The following KCNN2 variants were observed in gnomAD, a reference collection of about 807,000 sequenced individuals.
The protein encoded by KCNN2 is potassium calcium-activated channel subfamily N member 2.
KCNN2 carries 24 observed loss-of-function variants against 55.5 expected under a neutral mutation model. That is an observed-to-expected ratio of 0.43 (90% CI 0.31 to 0.61). The LOEUF (loss-of-function observed/expected upper bound fraction) is 0.61, where lower values mean the gene tolerates loss of function less well. Among genes scored for constraint, KCNN2 ranks in the 20% least tolerant of loss-of-function variants. The pLI is 0.08. For synonymous variants in KCNN2, 431 were observed against 336.1 expected (o/e 1.28, Z -3.09); for missense variants, 754 against 853.6 (o/e 0.88, Z 1.45).
At position 114,445,423 on chromosome 5, in the gene KCNN2, T is replaced by TA. The variant is rs200630650; in HGVS notation, c.1638-17625dup. On this transcript the variant is annotated intron_variant, in intron 3 of 7. Coordinates refer to ENST00000673685, the MANE Select transcript of KCNN2 (RefSeq NM_021614.4). ...TCCATGAGACACTTTATAAAAATATTACTTATCAGTAAAATACACAAGTTA... is the reference window on the plus strand; with the variant it reads ...TCCATGAGACACTTTATAAAAATATTAACTTATCAGTAAAATACACAAGTTA... 5.8e-4 allele frequency among the ~76,000 whole-genome samples: 89 copies of TA among 152,344 alleles called. No individual in the cohort carries two copies. In the East Asian group the frequency reaches 0.016, roughly 28 times the overall value.
chr5:114,453,349 C>T (rs1331153964), intron 3 of KCNN2, among the ~76,000 whole-genome samples: 7 of 152,164 alleles, frequency 4.6e-5, no homozygotes, highest in Admixed American at 4.6e-4. Flanking sequence ...CACACATACA[C>T]ACTACTTAAA....
intron 3 of KCNN2, among the ~76,000 whole-genome samples, chr5:114,462,458 C>T (rs1761253801): frequency 6.6e-6 from 1 of 152,088 alleles, no homozygotes; most frequent in South Asian, 2.1e-4. Flanking sequence ...TGAAGGACAT[C>T]CAGGTAGATT....
chr5:114,481,673 C>T (rs139936144), intron 5 of KCNN2, among the ~76,000 whole-genome samples: 1,749 of 152,184 alleles, frequency 0.011, 20 homozygotes, highest in Middle Eastern at 0.031. Context: ...ACTAAAACAC[C>T]GTGGTAAACT....
intron 2 of KCNN2, among the ~76,000 whole-genome samples, chr5:114,329,302 C>T (rs1756764876): frequency 6.6e-6 from 1 of 152,122 alleles, no homozygotes; most frequent in African/African-American, 2.4e-5. Context: ...GAGGGTGTTG[C>T]CAAAGAAGAT....
chr5:114,068,233 A>G (rs1438627763), intron 1 of KCNN2, among the ~76,000 whole-genome samples: 1 of 152,252 alleles, frequency 6.6e-6, no homozygotes, highest in Non-Finnish European at 1.5e-5. Context: ...AGAGGTCAAT[A>G]GTCCTTGGAA....
At chr5:114,159,046 A>C in intron 1 of KCNN2, among the ~76,000 whole-genome samples, 1 of 152,092 alleles carries the variant, frequency 6.6e-6, no homozygotes, top group East Asian at 1.9e-4. Context: ...CTATGTTGGA[A>C]AGGAGTGGTG....
intron 2 of KCNN2, among the ~76,000 whole-genome samples, chr5:114,257,950 T>C (rs1000934083): frequency 4.6e-5 from 7 of 152,200 alleles, no homozygotes; most frequent in Non-Finnish European, 7.4e-5. Flanking sequence ...CCAGCTTTTC[T>C]CCATTCAGTA....
intron 1 of KCNN2, among the ~76,000 whole-genome samples, chr5:114,178,189 G>C (rs1341222615): frequency 1.3e-5 from 2 of 152,088 alleles, no homozygotes; most frequent in East Asian, 3.9e-4. Context: ...GAAATGTATA[G>C]ACTTCCCACT....
chr5:114,445,909 C>T (rs1407061328), intron 3 of KCNN2, among the ~76,000 whole-genome samples: 2 of 152,196 alleles, frequency 1.3e-5, no homozygotes, highest in African/African-American at 2.4e-5. Context: ...TGGGCACCAG[C>T]TGTTTCCCAC....
At chr5:114,078,277 A>G (rs1174473267) in intron 1 of KCNN2, among the ~76,000 whole-genome samples, 2 of 152,240 alleles carry the variant, frequency 1.3e-5, no homozygotes, top group Non-Finnish European at 2.9e-5. Context: ...CAGAACACAT[A>G]TGACCAACAA....
intron 2 of KCNN2, among the ~76,000 whole-genome samples, chr5:114,325,659 T>TA (rs1296961182): frequency 6.6e-6 from 1 of 152,208 alleles, no homozygotes; most frequent in Non-Finnish European, 1.5e-5. Context: ...GCTTCTTATC[T>TA]AATGGAGTAA....
intron 2 of KCNN2, among the ~76,000 whole-genome samples, chr5:114,329,324 T>C: frequency 6.6e-6 from 1 of 152,134 alleles, no homozygotes; most frequent in East Asian, 1.9e-4. Flanking sequence ...AACATTTGAG[T>C]CAGTGGACTG....
At chr5:114,080,830 G>A (rs1460085321) in intron 1 of KCNN2, among the ~76,000 whole-genome samples, 1 of 151,996 alleles carries the variant, frequency 6.6e-6, no homozygotes, top group South Asian at 2.1e-4. Context: ...GTTCTAGGTG[G>A]AGCCATTAGG....
At chr5:114,364,857 G>A (rs1208261243) in intron 2 of KCNN2, among the ~76,000 whole-genome samples, 1 of 151,268 alleles carries the variant, frequency 6.6e-6, no homozygotes, top group African/African-American at 2.4e-5. Context: ...TCAGTCCTGT[G>A]GTCCTGGTGC....
rs979801671 is a variant in KCNN2, at chr5:114,214,058, T to G, written c.-270-7422T>G. ...ACAGGTTCTAGCCCCAATTTATAGATGAGAAAGCTTAGAGAAAGTCCTAAA... is the reference window on the plus strand; with the variant it reads ...ACAGGTTCTAGCCCCAATTTATAGAGGAGAAAGCTTAGAGAAAGTCCTAAA... On this transcript the variant is annotated intron_variant, in intron 1 of 10. Transcript: ENST00000512097. Among the ~76,000 whole-genome samples the G allele has an allele frequency of 1.3e-5, 2 of 152,008 alleles. 1 individual carries two copies. Among genetic ancestry groups the G allele is most frequent in the African/African-American group, 4.8e-5 (2 of 41,420 alleles).
At chr5:114,340,521 A>G (rs148887913) in intron 2 of KCNN2, among the ~76,000 whole-genome samples, 137 of 152,314 alleles carry the variant, frequency 9.0e-4, no homozygotes, top group African/African-American at 3.2e-3. Flanking sequence ...CAGCCAGAAT[A>G]TAATCTACAT....
chr5:114,242,742 A>G (rs1008465437), intron 2 of KCNN2, among the ~76,000 whole-genome samples: 2 of 152,216 alleles, frequency 1.3e-5, no homozygotes, highest in Non-Finnish European at 2.9e-5. Flanking sequence ...AGAAAAGTAT[A>G]TTACTATTGG....
Position 114,363,280 on chromosome 5 carries a change from G to A in KCNN2, c.1122+19G>A. On this transcript the variant is annotated intron_variant, in intron 1 of 7. Transcript: ENST00000673685. ...CGACAAGGTACAGGCTTGAACCCCA[G>A]CCCACGCTACCGGAGTCGGGCACTG... 1.3e-6 allele frequency: 2 copies of A among 1,571,034 alleles called. No homozygotes were observed.
chr5:114,492,336 C>G (rs1382189242), intron 6 of KCNN2, among the ~76,000 whole-genome samples: 1 of 152,128 alleles, frequency 6.6e-6, no homozygotes, highest in African/African-American at 2.4e-5. Flanking sequence ...AATTCTCTCT[C>G]TAGCATTAAA....
Sources: allele counts gnomAD v4.1 joint callset (sites outside exome capture counted in the v4.1 genomes callset), GRCh38; gene constraint gnomAD v4.1.1; transcripts MANE v1.5; gene names NCBI Gene and HGNC (gene_info 2026-07-23, HGNC 2026-07-21).